Variants in KDM5B observed in about 807,000 individuals in gnomAD.
KDM5B encodes lysine demethylase 5B.
KDM5B carries 144 observed loss-of-function variants against 193.4 expected under a neutral mutation model. The observed-to-expected ratio is 0.74, with a 90% CI of 0.65 to 0.86. KDM5B has a LOEUF of 0.86. Ranked by LOEUF, KDM5B falls within the 40% of genes least tolerant of loss-of-function variation. KDM5B has a pLI of 0.00. For missense variants in KDM5B, 1,833 were observed against 1,886.9 expected (o/e 0.97, Z 0.53); for synonymous variants, 668 against 682.6 (o/e 0.98, Z 0.33).
intron 16 of KDM5B, among the ~76,000 whole-genome samples, chr1:202,744,970 T>TA (rs1293797530): frequency 6.6e-6 from 1 of 152,038 alleles, no homozygotes; most frequent in Non-Finnish European, 1.5e-5. Flanking sequence ...TATGCAGCCA[T>TA]AAAAAAGAAT....
chr1:202,731,760 A>G, intron 24 of KDM5B, 68 bp downstream of exon 24: 1 of 1,137,720 alleles, frequency 8.8e-7, no homozygotes, highest in South Asian at 1.2e-5. Flanking sequence ...GATCATCTAT[A>G]ATAAAAACCT....
At chr1:202,734,022 C>A in intron 22 of KDM5B, 136 bp from the exon 23 acceptor site, 1 of 1,084,578 alleles carries the variant, frequency 9.2e-7, no homozygotes, top group Non-Finnish European at 1.3e-6. Context: ...TCATACTAAG[C>A]TGTGAGTGAC....
intron 4 of KDM5B, chr1:202,767,441 G>T (rs921324136): frequency 8.6e-6 from 11 of 1,284,798 alleles, no homozygotes. Context: ...GAAGCTCTGC[G>T]AAAGGTGCAG....
chr1:202,733,303 T>A, intron 23 of KDM5B, 98 bp downstream of exon 23: 1 of 1,386,042 alleles, frequency 7.2e-7, no homozygotes, highest in Non-Finnish European at 9.9e-7. Context: ...AGTAAAGTGA[T>A]CACACCAAGG....
chr1:202,734,233 TC>T (rs1655009679), intron 22 of KDM5B, among the ~76,000 whole-genome samples: 1 of 144,110 alleles, frequency 6.9e-6, no homozygotes, highest in Non-Finnish European at 1.5e-5. Context: ...CCCTTTCAGA[TC>T]CATCACGATT....
At chr1:202,769,652 C>T (rs1023728629) in intron 4 of KDM5B, among the ~76,000 whole-genome samples, 3 of 104,626 alleles carry the variant, frequency 2.9e-5, no homozygotes, top group Non-Finnish European at 5.2e-5. Flanking sequence ...CTGGGTGACA[C>T]AGCAAGACTC....
chr1:202,794,608 C>A (rs1182391260), intron 1 of KDM5B, among the ~76,000 whole-genome samples: 4 of 152,146 alleles, frequency 2.6e-5, no homozygotes, highest in African/African-American at 9.7e-5. Flanking sequence ...AAGCATTTGA[C>A]AATTTTAAAT....
chr1:202,754,474 C>T (rs916073373), intron 11 of KDM5B, among the ~76,000 whole-genome samples: 1 of 152,064 alleles, frequency 6.6e-6, no homozygotes, highest in Non-Finnish European at 1.5e-5. Flanking sequence ...AATGTGCACA[C>T]CAAGATAAGG....
At position 202,725,223 on chromosome 1, in the gene KDM5B, G is replaced by C. The variant is rs1434987110; in HGVS notation, c.*3813C>G. The C allele has an allele frequency of 6.6e-6, 1 of 152,154 alleles. No individual in the cohort carries two copies. The highest frequency in any genetic ancestry group is 1.5e-5 in the Non-Finnish European group (1 of 68,028). The allele number at this position is 152,154 out of a possible 1,614,324, so 9.4% of individuals were successfully genotyped here. ...TCCATTTATACTGATAAAAACGTAAGGTGTATTCCTATGTAAGCAATATTG... is the reference window on the plus strand; with the variant it reads ...TCCATTTATACTGATAAAAACGTAACGTGTATTCCTATGTAAGCAATATTG... On this transcript the variant is annotated 3_prime_UTR_variant, in exon 27 of 27. Transcript: ENST00000367265.
Position 202,784,281 on chromosome 1 carries a change from C to T in KDM5B, c.205-7187G>A, listed in dbSNP as rs574432411. Among the ~76,000 whole-genome samples the T allele has an allele frequency of 2.4e-3, 362 of 152,250 alleles. 1 individual carries two copies. The highest frequency in any genetic ancestry group is 8.2e-3 in the African/African-American group (341 of 41,564). ...AAAAGTATATGCTCTACAGAGGCTACGAAAGTTGGCTCTAACTCCCTGCAG... is the reference window on the plus strand; with the variant it reads ...AAAAGTATATGCTCTACAGAGGCTATGAAAGTTGGCTCTAACTCCCTGCAG... On this transcript the variant is annotated intron_variant, in intron 1 of 26. Coordinates refer to ENST00000367265, the MANE Select transcript of KDM5B (RefSeq NM_006618.5).
rs982534967 is a variant in KDM5B, at chr1:202,766,616, C to T, written c.711+310G>A. 2.9e-4 allele frequency: 129 copies of T among 451,464 alleles called. 2 individuals are homozygous for T. Among genetic ancestry groups the T allele is most frequent in the Middle Eastern group, 6.4e-4 (2 of 3,148 alleles). 28.0% of individuals were successfully genotyped at this position (451,464 alleles called of 1,614,324 possible). On this transcript the variant is annotated intron_variant, in intron 5 of 26. Transcript: ENST00000367265. Reference sequence around the variant, plus strand: ...TCTAGCCTTAATCTCCATTAAACAACGCCAATTTTGTGAGGGTAATGGGCA... The same window carrying T: ...TCTAGCCTTAATCTCCATTAAACAATGCCAATTTTGTGAGGGTAATGGGCA...
At chr1:202,782,651 GATA>G (rs1313770256) in intron 1 of KDM5B, among the ~76,000 whole-genome samples, 3 of 152,114 alleles carry the variant, frequency 2.0e-5, no homozygotes, top group Admixed American at 6.5e-5. Flanking sequence ...GAAACATTGC[GATA>G]ATGTTTAACT....
chr1:202,786,674 T>C (rs1187545039), intron 1 of KDM5B, among the ~76,000 whole-genome samples: 1 of 152,214 alleles, frequency 6.6e-6, no homozygotes, highest in East Asian at 1.9e-4. Context: ...TGTTCTTTTA[T>C]TGGGGCAAAA....
At chr1:202,730,273 C>A (rs889587822) in intron 25 of KDM5B, among the ~76,000 whole-genome samples, 3 of 152,168 alleles carry the variant, frequency 2.0e-5, no homozygotes, top group Non-Finnish European at 4.4e-5. Context: ...ATGTTAAAGA[C>A]GTGATTACCC....
chr1:202,741,216 G>T, intron 19 of KDM5B, 151 bp downstream of exon 19: 1 of 522,274 alleles, frequency 1.9e-6, no homozygotes, highest in Non-Finnish European at 3.3e-6. Context: ...TCCCAAAGCA[G>T]CTCCAAATAT....
chr1:202,787,712 G>A lies in KDM5B; in HGVS notation c.205-10618C>T, dbSNP rs150526896. On this transcript the variant is annotated intron_variant, in intron 1 of 26. Transcript: ENST00000367265. The stretch of plus-strand genomic sequence containing the variant: ...ATCCTGGCCAACGTAGTGAAACCCT[G>A]TCTCTACTTTAAAAAAAAAAAATAC... 5.9e-3 allele frequency among the ~76,000 whole-genome samples: 897 copies of A among 151,458 alleles called. 7 individuals carry two copies. The highest frequency in any genetic ancestry group is 0.021 in the African/African-American group (854 of 41,192).
chr1:202,733,912 T>C, intron 22 of KDM5B, 26 bp from the exon 23 acceptor site: 1 of 1,586,108 alleles, frequency 6.3e-7, no homozygotes, highest in Non-Finnish European at 8.6e-7. Flanking sequence ...CAATCAAGGA[T>C]GATGTCCGAG....
chr1:202,731,633 GTC>G (rs1654886656), intron 24 of KDM5B, among the ~76,000 whole-genome samples, 193 bp downstream of exon 24: 1 of 152,162 alleles, frequency 6.6e-6, no homozygotes, highest in South Asian at 2.1e-4. Context: ...TGGATATAAA[GTC>G]TTCCTCTCTG....
chr1:202,772,553 A>G (rs1656763643), intron 4 of KDM5B, among the ~76,000 whole-genome samples: 1 of 152,222 alleles, frequency 6.6e-6, no homozygotes, highest in Non-Finnish European at 1.5e-5. Flanking sequence ...AAGTTGTAAC[A>G]AGTAGATAAT....
Sources: gnomAD v4.1 joint callset for allele counts (sites outside exome capture counted in the v4.1 genomes callset) on GRCh38, gnomAD v4.1.1 for gene constraint, MANE v1.5 for transcripts, NCBI Gene and HGNC (gene_info 2026-07-23, HGNC 2026-07-21) for gene names.